Variants in PLCB4 observed in about 807,000 individuals in gnomAD.
The protein encoded by PLCB4 is phospholipase C beta 4.
A neutral mutation model predicts 178.8 loss-of-function variants in PLCB4; 77 were observed. The observed-to-expected ratio is 0.43, with a 90% confidence interval of 0.36 to 0.52. The LOEUF is 0.52. PLCB4 is among the 20% of genes least tolerant of loss of function. PLCB4 has a pLI of 0.00. For synonymous variants in PLCB4, 496 were observed against 490.8 expected (o/e 1.01, Z -0.14); for missense variants, 1,024 against 1,453.4 (o/e 0.70, Z 4.80).
intron 3 of PLCB4, among the ~76,000 whole-genome samples, chr20:9,250,796 G>A (rs1193542002): frequency 6.6e-6 from 1 of 152,168 alleles, no homozygotes; most frequent in African/African-American, 2.4e-5. Flanking sequence ...ATCTCATGTG[G>A]CATCATGATT....
chr20:9,237,320 C>G (rs564628153), intron 3 of PLCB4, among the ~76,000 whole-genome samples: 122 of 152,006 alleles, frequency 8.0e-4, no homozygotes, highest in Non-Finnish European at 1.4e-3. Context: ...CCCATATATC[C>G]TAATCTTTAT....
intron 3 of PLCB4, among the ~76,000 whole-genome samples, chr20:9,306,457 C>T (rs1309810432): frequency 6.6e-6 from 1 of 152,144 alleles, no homozygotes; most frequent in African/African-American, 2.4e-5. Context: ...AACACTTCAT[C>T]TGAGTTTTCT....
At chr20:9,404,795 C>T (rs903295000) in intron 20 of PLCB4, among the ~76,000 whole-genome samples, 7 of 152,114 alleles carry the variant, frequency 4.6e-5, no homozygotes, top group African/African-American at 1.7e-4. Flanking sequence ...GGGCCTTCTT[C>T]GTGTTTATGT....
chr20:9,183,003 A>G (rs2093271965), intron 2 of PLCB4, among the ~76,000 whole-genome samples: 1 of 152,184 alleles, frequency 6.6e-6, no homozygotes, highest in African/African-American at 2.4e-5. Flanking sequence ...TGCAGGGGTC[A>G]GGGAGTCACG....
At chr20:9,326,125 A>C (rs2030506080) in intron 4 of PLCB4, among the ~76,000 whole-genome samples, 1 of 152,172 alleles carries the variant, frequency 6.6e-6, no homozygotes, top group South Asian at 2.1e-4. Context: ...TGGGATTAGG[A>C]TTTCAGCATA....
At chr20:9,305,141 A>T (rs997008612) in intron 3 of PLCB4, among the ~76,000 whole-genome samples, 7 of 150,962 alleles carry the variant, frequency 4.6e-5, no homozygotes, top group African/African-American at 1.7e-4. Flanking sequence ...TTATAAGTGA[A>T]TTTAACCAAT....
In PLCB4 at chr20:9,233,252, G is replaced by A. The variant is rs555111101; in HGVS notation, c.-16+15800G>A. Among the ~76,000 whole-genome samples the A allele has an allele frequency of 2.6e-5, 4 of 152,140 alleles. No individual in the cohort carries two copies. In the South Asian group the frequency reaches 8.3e-4, roughly 32 times the overall value. ...AAATTTTATGTTTCCGTCCTCATTAGTGTTTGCTAAATAGTCACTTTTTTG... is the reference window on the plus strand; with the variant it reads ...AAATTTTATGTTTCCGTCCTCATTAATGTTTGCTAAATAGTCACTTTTTTG... On this transcript the variant is annotated intron_variant, in intron 3 of 39. Coordinates refer to ENST00000378473, the MANE Select transcript of PLCB4 (RefSeq NM_001377142.1).
intron 1 of PLCB4, among the ~76,000 whole-genome samples, chr20:9,074,802 T>TTC (rs2089756140): frequency 8.0e-6 from 1 of 125,296 alleles, no homozygotes; most frequent in African/African-American, 3.1e-5. Flanking sequence ...TTTTTTTTTT[T>TTC]TTTTTAAACA....
intron 28 of PLCB4, among the ~76,000 whole-genome samples, chr20:9,430,731 C>CAAT (rs1420955015): frequency 6.6e-6 from 1 of 152,260 alleles, no homozygotes; most frequent in Non-Finnish European, 1.5e-5. Context: ...ACAAACAAGA[C>CAAT]AATATGTGGA....
At chr20:9,156,397 G>T (rs2092788504) in intron 2 of PLCB4, among the ~76,000 whole-genome samples, 1 of 152,156 alleles carries the variant, frequency 6.6e-6, no homozygotes, top group African/African-American at 2.4e-5. Flanking sequence ...CCCATTCTGA[G>T]ATGATGGAAT....
intron 11 of PLCB4, 108 bp from the exon 12 acceptor site, chr20:9,372,939 G>A: frequency 1.8e-6 from 1 of 566,396 alleles, no homozygotes; most frequent in Admixed American, 3.1e-5. Context: ...ACTACTTCAG[G>A]GTTAGAAAAT....
At chr20:9,280,577 T>G in intron 3 of PLCB4, 1 of 374,636 alleles carries the variant, frequency 2.7e-6, no homozygotes, top group South Asian at 1.1e-4. Context: ...GCAAGAAAAC[T>G]GATGCCTGCC....
At chr20:9,267,113 C>T (rs1037457536) in intron 3 of PLCB4, among the ~76,000 whole-genome samples, 2 of 152,124 alleles carry the variant, frequency 1.3e-5, no homozygotes, top group Non-Finnish European at 2.9e-5. Context: ...CATTTGTTCC[C>T]TCCAAAACTT....
chr20:9,377,671 A>G (rs1010383420), intron 12 of PLCB4, among the ~76,000 whole-genome samples: 3 of 152,170 alleles, frequency 2.0e-5, no homozygotes, highest in Non-Finnish European at 4.4e-5. Context: ...ATTATGATAC[A>G]TCCATTTTAG....
At chr20:9,430,514 G>A (rs2041322740) in intron 28 of PLCB4, among the ~76,000 whole-genome samples, 1 of 152,140 alleles carries the variant, frequency 6.6e-6, no homozygotes, top group East Asian at 1.9e-4. Context: ...GACCAAATAA[G>A]GCAGCATGTT....
chr20:9,366,355 C>CCACTG (rs1323558114), intron 9 of PLCB4, among the ~76,000 whole-genome samples: 1 of 147,764 alleles, frequency 6.8e-6, no homozygotes, highest in African/African-American at 2.5e-5. Context: ...CGAGATGGCA[C>CCACTG]CACTGCACTC....
At chr20:9,311,178 G>C (rs2094828979) in intron 4 of PLCB4, among the ~76,000 whole-genome samples, 1 of 152,156 alleles carries the variant, frequency 6.6e-6, no homozygotes, top group Non-Finnish European at 1.5e-5. Flanking sequence ...TTCCCTGGCA[G>C]GTCAGGGCCT....
intron 7 of PLCB4, among the ~76,000 whole-genome samples, chr20:9,347,950 G>A (rs1249131929): frequency 6.6e-6 from 1 of 152,172 alleles, no homozygotes; most frequent in African/African-American, 2.4e-5. Context: ...CTCCAGCGTG[G>A]CAACAGAGTG....
At chr20:9,208,583 A>G (rs1319289809) in intron 2 of PLCB4, among the ~76,000 whole-genome samples, 1 of 149,582 alleles carries the variant, frequency 6.7e-6, no homozygotes, top group Non-Finnish European at 1.5e-5. Flanking sequence ...TCTGTTGCCT[A>G]GGCTGGGGTG....
Sources: gnomAD v4.1 joint callset for allele counts (sites outside exome capture counted in the v4.1 genomes callset) on GRCh38, gnomAD v4.1.1 for gene constraint, MANE v1.5 for transcripts, NCBI Gene and HGNC (gene_info 2026-07-23, HGNC 2026-07-21) for gene names.